AGAP2: variants seen among roughly 807,000 people sequenced by gnomAD.
AGAP2 encodes ArfGAP with GTPase domain, ankyrin repeat and PH domain 2, also known as arf-GAP with GTPase, ANK repeat and PH domain-containing protein 2.
In AGAP2, 32 loss-of-function variants were observed where a neutral mutation model predicts 110.9. That is an observed-to-expected ratio of 0.29 (90% CI 0.22 to 0.39). The LOEUF is 0.39. Among genes scored for constraint, AGAP2 ranks in the 10% least tolerant of loss-of-function variants. The pLI, the probability that AGAP2 is intolerant of heterozygous loss-of-function variation, is 1.00. For synonymous variants in AGAP2, 702 were observed against 713.0 expected (o/e 0.98, Z 0.25); for missense variants, 1,285 against 1,638.5 (o/e 0.78, Z 3.72).
At position 57,737,821 on chromosome 12, in the gene AGAP2, G is replaced by T. The variant is rs766330272; in HGVS notation, c.426C>A (p.Arg142=). ...KPGGAPTSSR[R]PLLSSPSWGG... Reference sequence around the variant, plus strand: ...CCCAGCTCGGGCTGCTGAGCAGGGGGCGCCGGGAGGAGGTGGGGGCGCCCC... The same window carrying T: ...CCCAGCTCGGGCTGCTGAGCAGGGGTCGCCGGGAGGAGGTGGGGGCGCCCC... Residue 142 remains arginine, a synonymous_variant, in exon 1 of 19, where the codon CGC becomes CGA. Transcript: ENST00000547588. The surrounding 1 kb of genome is among the most constrained non-coding windows in gnomAD (Gnocchi z 5.9). 162 of 1,496,460 alleles carry T rather than the reference G, an allele frequency of 1.1e-4. No individual in the cohort carries two copies. In the African/African-American group the frequency reaches 1.9e-3, roughly 17 times the overall value. The allele number at this position is 1,496,460 out of a possible 1,614,324, so 92.7% of individuals were successfully genotyped here.
At chr12:57,736,103 G>C (rs1169814636) in intron 1 of AGAP2, among the ~76,000 whole-genome samples, 1 of 152,178 alleles carries the variant, frequency 6.6e-6, no homozygotes, top group African/African-American at 2.4e-5. Flanking sequence ...CGCCAGCCAG[G>C]TCCAGCCCCC....
At position 57,738,303 on chromosome 12, in the gene AGAP2, G is replaced by C. The variant is rs1955030562; in HGVS notation, c.-57C>G. The C allele has an allele frequency of 7.1e-7, 1 of 1,405,436 alleles. No individual in the cohort carries two copies. The highest frequency in any genetic ancestry group is 9.2e-7 in the Non-Finnish European group (1 of 1,085,458). The allele number at this position is 1,405,436 out of a possible 1,614,324, so 87.1% of individuals were successfully genotyped here. A position where few individuals can be genotyped will look rare whatever the true frequency, so the allele number is the denominator to read the frequency against. The stretch of plus-strand genomic sequence containing the variant: ...AGGGGACTCCCCCGGACTGCCTCAG[G>C]GGGGCCCGGCCATGGGGCCGCCCTG... On this transcript the variant is annotated 5_prime_UTR_variant, in exon 1 of 19. Transcript: ENST00000547588. This position sits in a 1 kb window ranked among gnomAD's most constrained non-coding sequence, Gnocchi z 6.7.
chr12:57,726,604 C>A lies in AGAP2; in HGVS notation c.3527G>T (p.Arg1176Leu). 1 of 1,201,880 alleles carries A rather than the reference C, an allele frequency of 8.3e-7. No homozygotes were observed. The highest frequency in any genetic ancestry group is 1.0e-6 in the Non-Finnish European group (1 of 968,610). 74.5% of individuals were successfully genotyped at this position (1,201,880 alleles called of 1,614,324 possible). A position where few individuals can be genotyped will look rare whatever the true frequency, so the allele number is the denominator to read the frequency against. The change falls in exon 19 of 19, where the codon CGG (arginine) becomes CTG (leucine). Residue 1176 changes from arginine (R) to leucine (L), a missense_variant. By Grantham distance (102) the Arg-to-Leu change is moderately radical. This residue lies in a region of AGAP2 where 201 missense variants were observed against 276.1 expected (regional missense o/e 0.73). Transcript: ENST00000547588. This position sits in a 1 kb window ranked among gnomAD's most constrained non-coding sequence, Gnocchi z 5.7. The part of the protein sequence containing the change: ...SITATPSPRR[R>L]SSAASVGRAD... ...GCGGCCCACGCTAGCGGCGCTGCTC[C>A]GGCGGCGGGGGCTGGGCGTGGCGGT...
At chr12:57,741,774 C>G, upstream of AGAP2, 1 of 1,015,620 alleles carries the variant, frequency 9.8e-7, no homozygotes, top group Non-Finnish European at 1.5e-6. Flanking sequence ...TCCATCCTCC[C>G]TAAATGTATT....
Position 57,726,091 on chromosome 12 carries a change from G to A in AGAP2, c.*461C>T, listed in dbSNP as rs1954757277. 6.6e-6 allele frequency: 1 copy of A among 152,470 alleles called. No homozygotes were observed. Among genetic ancestry groups the A allele is most frequent in the Non-Finnish European group, 1.5e-5 (1 of 68,260 alleles). 9.4% of individuals were successfully genotyped at this position (152,470 alleles called of 1,614,324 possible). A position where few individuals can be genotyped will look rare whatever the true frequency, so the allele number is the denominator to read the frequency against. On this transcript the variant is annotated 3_prime_UTR_variant, in exon 19 of 19. Transcript: ENST00000547588. This position sits in a 1 kb window ranked among gnomAD's most constrained non-coding sequence, Gnocchi z 5.7. The stretch of plus-strand genomic sequence containing the variant: ...GTTTCCGTATTGGCCCCAAGTCCCG[G>A]GGCTAGCCCTCCCATGTACTAAACC...
At chr12:57,736,949 G>A (rs2140366618) in intron 1 of AGAP2, 130 bp downstream of exon 1, 1 of 1,429,764 alleles carries the variant, frequency 7.0e-7, no homozygotes, top group South Asian at 1.5e-5. Context: ...CCTTGACAGA[G>A]GGGTGAGCTT....
Position 57,726,962 on chromosome 12 carries a change from C to T in AGAP2, c.3336+12G>A, listed in dbSNP as rs774782362. ...CCTCAAAGACCCCCTTTCCTCCCCC[C>T]AGCTCACGTACCCACAGCAGCAGTT... On this transcript the variant is annotated intron_variant, in intron 18 of 18. Transcript: ENST00000547588. This position sits in a 1 kb window ranked among gnomAD's most constrained non-coding sequence, Gnocchi z 5.7. 1.3e-6 allele frequency: 2 copies of T among 1,541,698 alleles called. No individual in the cohort carries two copies. Among genetic ancestry groups the T allele is most frequent in the Non-Finnish European group, 8.7e-7 (1 of 1,145,998 alleles).
chr12:57,729,617 G>A (rs771470071), intron 13 of AGAP2, 22 bp downstream of exon 13: 1 of 1,605,686 alleles, frequency 6.2e-7, no homozygotes, highest in Non-Finnish European at 8.5e-7. Flanking sequence ...GGTGGGAGTG[G>A]AAGTGCCTGC....
At position 57,730,609 on chromosome 12, in the gene AGAP2, T is replaced by C. The variant is rs374744170; in HGVS notation, c.2314A>G (p.Thr772Ala). The change falls in exon 12 of 19, where the codon ACT (threonine) becomes GCT (alanine). Residue 772 changes from threonine (T) to alanine (A), a missense_variant. By Grantham distance (58) the Thr-to-Ala change is moderately conservative (BLOSUM62 0). Around this residue, in one of 7 missense-constraint regions of AGAP2, gnomAD observed 135 missense variants for 182.0 expected, o/e 0.74. Transcript: ENST00000547588. ...GGGCTAGGGCTTGGCATGGGAGTAG[T>C]GGCTTCTGTCGGAAGAAGATGAAAC... ...TVQMGEGLEA[T>A]TPMPSPSPSP... 5.6e-5 allele frequency: 91 copies of C among 1,612,960 alleles called. No individual in the cohort carries two copies. Among genetic ancestry groups the C allele is most frequent in the Non-Finnish European group, 6.9e-5 (81 of 1,179,566 alleles).
In AGAP2 at chr12:57,738,011, CT is replaced by C. The variant is rs748504291; in HGVS notation, c.235del (p.Ser79AlafsTer49). The C allele has an allele frequency of 6.6e-7, 1 of 1,506,744 alleles. No homozygotes were observed. Among genetic ancestry groups the C allele is most frequent in the South Asian group, 1.2e-5 (1 of 81,460 alleles). The allele number at this position is 1,506,744 out of a possible 1,614,324, so 93.3% of individuals were successfully genotyped here. On this transcript the variant is annotated frameshift_variant, in exon 1 of 19. Coordinates refer to ENST00000547588, the MANE Select transcript of AGAP2 (RefSeq NM_001122772.3). LOFTEE classifies it high-confidence loss of function. The surrounding 1 kb of genome is among the most constrained non-coding windows in gnomAD (Gnocchi z 6.7). ...GCCCCCGGTGCCCGCGCTGCTCGTG[CT>C]GATCCACAGCGCATCCTGCCGGTGG... is the stretch of plus-strand genomic sequence containing the variant. ...LFHRQDALWI[S>X]TSSAGTGGAE... is the part of the protein sequence containing the mutation.
rs1347314682 is a variant in AGAP2 at position 57,727,716 on chromosome 12, T to A, written c.2822A>T (p.Lys941Met). Residue 941 changes from lysine (K) to methionine (M), a missense_variant, in exon 16 of 19, where the codon AAG becomes ATG. By Grantham distance (95) the Lys-to-Met change is moderately conservative. Coordinates refer to ENST00000547588, the MANE Select transcript of AGAP2 (RefSeq NM_001122772.3). ...GCAGTCCACGCAGATTGAATTCCCC[T>A]TGGCGTTCCGGATCGCCTGGATGGC... ...AVAIQAIRNAKGNSICVDCGA... is the reference protein window; with the variant it reads ...AVAIQAIRNAMGNSICVDCGA... 6.2e-7 allele frequency: 1 copy of A among 1,604,470 alleles called. No homozygotes were observed. The highest frequency in any genetic ancestry group is 8.5e-7 in the Non-Finnish European group (1 of 1,174,632).
chr12:57,733,000 C>A, intron 5 of AGAP2, 21 bp from the exon 6 acceptor site: 3 of 1,613,460 alleles, frequency 1.9e-6, no homozygotes, highest in Admixed American at 1.7e-5. Flanking sequence ...AGGAAAGGGG[C>A]AGGATTGAAC....
chr12:57,732,583 G>A, intron 6 of AGAP2, 71 bp from the exon 7 acceptor site: 5 of 1,431,008 alleles, frequency 3.5e-6, no homozygotes, highest in Non-Finnish European at 4.8e-6. Flanking sequence ...GCCCAGCTTT[G>A]AGAAATCCCC....
chr12:57,730,876 C>T lies in AGAP2; in HGVS notation c.2223G>A (p.Pro741=), dbSNP rs113544406. Residue 741 remains proline, a synonymous_variant, in exon 11 of 19, where the codon CCG becomes CCA. Coordinates refer to ENST00000547588, the MANE Select transcript of AGAP2 (RefSeq NM_001122772.3). ...AGGGGCCAAAGGCAGAGATGGCCCT[C>T]GGGGGCCGCTTGCCCGGGACTTTGA... is the stretch of plus-strand genomic sequence containing the variant. The part of the protein sequence containing the change: ...TTVKVPGKRP[P]RAISAFGPSA... 15 of 1,611,662 alleles carry T rather than the reference C, an allele frequency of 9.3e-6. No individual in the cohort carries two copies. Among genetic ancestry groups the T allele is most frequent in the South Asian group, 2.2e-5 (2 of 90,734 alleles).
Position 57,737,797 on chromosome 12 carries a change from C to G in AGAP2, c.450G>C (p.Trp150Cys), listed in dbSNP as rs1955017023. ...SRRPLLSSPS[W>C]GGPEPEGRAG... ...CCCGGCCTTCGGGCTCCGGGCCGCC[C>G]CAGCTCGGGCTGCTGAGCAGGGGGC... The change falls in exon 1 of 19, where the codon TGG becomes TGC. Residue 150 changes from tryptophan (W) to cysteine (C), a missense_variant. By Grantham distance (215) the Trp-to-Cys change is radical. Around this residue, in one of 7 missense-constraint regions of AGAP2, gnomAD observed 844 missense variants for 941.2 expected, o/e 0.90. Transcript: ENST00000547588. The surrounding 1 kb of genome is among the most constrained non-coding windows in gnomAD (Gnocchi z 5.9). The G allele has an allele frequency of 2.6e-6, 4 of 1,526,244 alleles. No individual in the cohort carries two copies. Among genetic ancestry groups the G allele is most frequent in the African/African-American group, 2.8e-5 (2 of 72,050 alleles). 94.5% of individuals were successfully genotyped at this position (1,526,244 alleles called of 1,614,324 possible). A position where few individuals can be genotyped will look rare whatever the true frequency, so the allele number is the denominator to read the frequency against.
rs867148442 is a variant in AGAP2 at position 57,738,067 on chromosome 12, C to T, written c.180G>A (p.Glu60=). 22 of 1,524,014 alleles carry T rather than the reference C, an allele frequency of 1.4e-5. 1 individual carries two copies. The Admixed American group carries it at 4.4e-4, about 30-fold the overall frequency. The allele number at this position is 1,524,014 out of a possible 1,614,324, so 94.4% of individuals were successfully genotyped here. The change falls in exon 1 of 19, where the codon GAG becomes GAA. Residue 60 remains glutamate, a synonymous_variant. Coordinates refer to ENST00000547588, the MANE Select transcript of AGAP2 (RefSeq NM_001122772.3). This position sits in a 1 kb window ranked among gnomAD's most constrained non-coding sequence, Gnocchi z 6.7. ...GDPGSPRGAE[E]PGKKRHERLF... ...GACGTTCGTGCCGCTTCTTGCCCGG[C>T]TCCTCCGCGCCTCGGGGGCTGCCAG...
chr12:57,727,425 G>A lies in AGAP2; in HGVS notation c.3015C>T (p.Asp1005=). 1 of 1,613,680 alleles carries A rather than the reference G, an allele frequency of 6.2e-7. No homozygotes were observed. The highest frequency in any genetic ancestry group is 8.5e-7 in the Non-Finnish European group (1 of 1,179,940). The change falls in exon 17 of 19, where the codon GAC becomes GAT. Residue 1005 remains aspartate (D), a synonymous_variant. Transcript: ENST00000547588. ...LTLVLTAIGN[D]TANRVWESDT... The stretch of plus-strand genomic sequence containing the variant: ...CGCTTTCCCACACGCGGTTGGCCGT[G>A]TCGTTGCCAATAGCCGTCAGCACCA...
intron 2 of AGAP2, among the ~76,000 whole-genome samples, 200 bp from the exon 3 acceptor site, chr12:57,734,879 G>A (rs569767764): frequency 1.3e-5 from 2 of 152,190 alleles, no homozygotes; most frequent in East Asian, 3.9e-4. Context: ...ATCAGGGCAT[G>A]AGTGTGGTAA....
At position 57,725,371 on chromosome 12, in the gene AGAP2, G is replaced by C. The variant is rs1954744035; in HGVS notation, c.*1181C>G. 1 of 147,546 alleles carries C rather than the reference G, an allele frequency of 6.8e-6. No homozygotes were observed. The highest frequency in any genetic ancestry group is 1.5e-5 in the Non-Finnish European group (1 of 67,538). The allele number at this position is 147,546 out of a possible 1,614,324, so 9.1% of individuals were successfully genotyped here. On this transcript the variant is annotated 3_prime_UTR_variant, in exon 19 of 19. Transcript: ENST00000547588. Reference sequence around the variant, plus strand: ...AAAAAAAAAAAGACCGGAAACCACTGACACAGACAGCCCAAGGGCTGGGTT... The same window carrying C: ...AAAAAAAAAAAGACCGGAAACCACTCACACAGACAGCCCAAGGGCTGGGTT...
Sources: allele counts gnomAD v4.1 joint callset (sites outside exome capture counted in the v4.1 genomes callset), GRCh38; gene constraint gnomAD v4.1.1; regional missense constraint gnomAD v4.1.1; non-coding constraint Gnocchi (gnomAD v3.1); transcripts MANE v1.5; gene names NCBI Gene and HGNC (gene_info 2026-07-23, HGNC 2026-07-21).